Variants in NRK observed in about 807,000 individuals in gnomAD.
NRK encodes the protein Nik related kinase.
A neutral mutation model predicts 125.2 loss-of-function variants in NRK; 67 were observed. The ratio of observed to expected loss-of-function variants is 0.54; its 90% confidence interval spans 0.44 to 0.66. The LOEUF (loss-of-function observed/expected upper bound fraction) is 0.66. Among genes scored for constraint, NRK ranks in the 30% least tolerant of loss-of-function variants. The pLI, the probability that NRK is intolerant of heterozygous loss-of-function variation, is 0.00. For synonymous variants in NRK, 458 were observed against 429.0 expected (o/e 1.07, Z -0.84); for missense variants, 1,224 against 1,192.9 (o/e 1.03, Z -0.38).
intron 4 of NRK, among the ~76,000 whole-genome samples, chrX:105,882,677 A>T (rs1275543414): frequency 2.7e-5 from 3 of 111,072 alleles, no homozygotes; most frequent in African/African-American, 9.8e-5. Context: ...TCACATTCAG[A>T]AACTTTCTAG....
chrX:105,889,372 C>T (rs764980215), intron 5 of NRK, among the ~76,000 whole-genome samples: 5 of 111,853 alleles, frequency 4.5e-5, no homozygotes, highest in South Asian at 3.7e-4. Flanking sequence ...GCTGCTTTCA[C>T]GGGTTGACAT....
At chrX:105,889,617 A>G (rs1236884685) in intron 5 of NRK, among the ~76,000 whole-genome samples, 1 of 112,476 alleles carries the variant, frequency 8.9e-6, no homozygotes, top group African/African-American at 3.2e-5. Flanking sequence ...GTTTCCATAC[A>G]TCTTCTGAAA....
At chrX:105,919,546 G>A (rs994026004) in intron 16 of NRK, among the ~76,000 whole-genome samples, 13 of 111,462 alleles carry the variant, frequency 1.2e-4, no homozygotes, top group African/African-American at 3.3e-4. Context: ...AGTAGTCATG[G>A]GTGACTAATG....
chrX:105,947,192 C>A (rs2040825035), intron 26 of NRK, among the ~76,000 whole-genome samples: 2 of 57,317 alleles, frequency 3.5e-5, no homozygotes, highest in African/African-American at 1.8e-4. Context: ...GCCTGTAATC[C>A]CAGCACTTTG....
intron 2 of NRK, among the ~76,000 whole-genome samples, chrX:105,837,804 C>T (rs1486338396): frequency 9.0e-6 from 1 of 110,545 alleles, no homozygotes; most frequent in Non-Finnish European, 1.9e-5. Flanking sequence ...CATGTGAGGC[C>T]ATATTAGAAA....
chrX:105,903,723 C>T (rs891460523), intron 9 of NRK, among the ~76,000 whole-genome samples: 10 of 111,307 alleles, frequency 9.0e-5, no homozygotes, highest in Admixed American at 8.6e-4. Context: ...TTTTCCTTTC[C>T]GTTAAAGAAA....
chrX:105,829,315 A>G (rs985262865), intron 1 of NRK, among the ~76,000 whole-genome samples: 1 of 112,152 alleles, frequency 8.9e-6, no homozygotes, highest in African/African-American at 3.2e-5. Flanking sequence ...AGGAGTTTAT[A>G]ATTTCATTCA....
At chrX:105,919,185 G>C (rs1054892805) in intron 16 of NRK, among the ~76,000 whole-genome samples, 44 of 110,400 alleles carry the variant, frequency 4.0e-4, no homozygotes, top group African/African-American at 1.4e-3. Flanking sequence ...AGGGACAATA[G>C]TATTTATCTT....
chrX:105,945,345 T>C (rs1378429097), intron 24 of NRK, among the ~76,000 whole-genome samples: 1 of 112,339 alleles, frequency 8.9e-6, no homozygotes, highest in Non-Finnish European at 1.9e-5. Flanking sequence ...TCTGTTTACA[T>C]GGTATATTTT....
At chrX:105,850,534 A>G (rs959982200) in intron 2 of NRK, among the ~76,000 whole-genome samples, 125 of 112,382 alleles carry the variant, frequency 1.1e-3, no homozygotes, top group African/African-American at 3.8e-3. Context: ...CAAATTTTCC[A>G]AACTTTTGTG....
intron 2 of NRK, among the ~76,000 whole-genome samples, chrX:105,848,665 T>C (rs1428622632): frequency 1.8e-5 from 2 of 111,823 alleles, no homozygotes; most frequent in Non-Finnish European, 3.8e-5. Flanking sequence ...CTGCAGCCTC[T>C]AACAAATGAA....
intron 2 of NRK, among the ~76,000 whole-genome samples, chrX:105,864,831 T>G (rs2039648864): frequency 9.0e-6 from 1 of 111,258 alleles, no homozygotes; most frequent in Middle Eastern, 4.7e-3. Context: ...AGATGAATTT[T>G]CAGGGGAATA....
intron 2 of NRK, among the ~76,000 whole-genome samples, chrX:105,844,244 G>A (rs772409482): frequency 9.0e-6 from 1 of 110,958 alleles, no homozygotes; most frequent in Admixed American, 9.7e-5. Flanking sequence ...ACATGAGTAG[G>A]AAGGTGCCTA....
intron 4 of NRK, among the ~76,000 whole-genome samples, chrX:105,885,900 A>G (rs1031187247): frequency 1.8e-5 from 2 of 112,023 alleles, no homozygotes; most frequent in African/African-American, 6.5e-5. Context: ...CTAACATTCC[A>G]TGAAGATAGG....
intron 1 of NRK, 63 bp from the exon 2 acceptor site, chrX:105,830,991 G>C: frequency 1.5e-6 from 1 of 673,044 alleles, no homozygotes. Flanking sequence ...TTAAAAAAAA[G>C]ATAGTTGAAT....
intron 2 of NRK, among the ~76,000 whole-genome samples, chrX:105,847,472 A>T (rs927932260): frequency 1.8e-5 from 2 of 112,402 alleles, no homozygotes; most frequent in Admixed American, 1.9e-4. Context: ...TTTATTACAG[A>T]ATCAGTTTTA....
At chrX:105,925,528 C>A (rs1238888348) in intron 19 of NRK, among the ~76,000 whole-genome samples, 1 of 110,674 alleles carries the variant, frequency 9.0e-6, no homozygotes, top group African/African-American at 3.3e-5. Flanking sequence ...CCCTATAGTG[C>A]TATAGAATAT....
At position 105,906,560 on chromosome X, in the gene NRK, C is replaced by G. The variant is rs1160497911; in HGVS notation, c.992C>G (p.Thr331Ser). 4 of 1,097,920 alleles carry G rather than the reference C, an allele frequency of 3.6e-6. No homozygotes were observed. In the Admixed American group the frequency reaches 1.0e-4, roughly 28 times the overall value. 90.5% of individuals were successfully genotyped at this position (1,097,920 alleles called of 1,213,427 possible). A position where few individuals can be genotyped will look rare whatever the true frequency, so the allele number is the denominator to read the frequency against. Residue 331 changes from threonine to serine, a missense_variant, in exon 11 of 29, where the codon ACT (threonine) becomes AGT (serine). Thr to Ser is a moderately conservative substitution (Grantham distance 58). Coordinates refer to ENST00000243300, the MANE Select transcript of NRK (RefSeq NM_198465.4). ...HVVESLTRHL[T>S]GIIKKRQKKG... ...GTTGAGTCATTAACAAGGCATCTTACTGGAATCATTAAAAAAAGACAGAAA... is the reference window on the plus strand; with the variant it reads ...GTTGAGTCATTAACAAGGCATCTTAGTGGAATCATTAAAAAAAGACAGAAA...
Position 105,891,573 on chromosome X carries a change from A to G in NRK, c.379-2259A>G, listed in dbSNP as rs1256246334. Among the ~76,000 whole-genome samples, 4 of 111,790 alleles carry G rather than the reference A, an allele frequency of 3.6e-5. No homozygotes were observed. The East Asian group carries it at 1.1e-3, about 32-fold the overall frequency. On this transcript the variant is annotated intron_variant, in intron 5 of 28. Coordinates refer to ENST00000243300, the MANE Select transcript of NRK (RefSeq NM_198465.4). Reference sequence around the variant, plus strand: ...TGGACATTATAGAAAGGTTTTCAACAAGGGGTGGAATTGAAACAGTGGTTC... The same window carrying G: ...TGGACATTATAGAAAGGTTTTCAACGAGGGGTGGAATTGAAACAGTGGTTC...
Sources: gnomAD v4.1 joint callset for allele counts (sites outside exome capture counted in the v4.1 genomes callset) on GRCh38, gnomAD v4.1.1 for gene constraint, MANE v1.5 for transcripts, NCBI Gene and HGNC (gene_info 2026-07-23, HGNC 2026-07-21) for gene names.